TMEM163: variants seen among roughly 807,000 people sequenced by gnomAD.
TMEM163 encodes the protein transmembrane protein 163.
TMEM163 carries 17 observed loss-of-function variants against 29.3 expected under a neutral mutation model. That is an observed-to-expected ratio of 0.58 (90% CI 0.40 to 0.87). TMEM163 has a LOEUF of 0.87. Ranked by LOEUF, TMEM163 falls within the 40% of genes least tolerant of loss-of-function variation. The pLI is 0.00. For synonymous variants in TMEM163, 157 were observed against 160.6 expected, an observed-to-expected ratio of 0.98 and a Z score of 0.17; for missense variants, 303 against 381.5, an observed-to-expected ratio of 0.79 and a Z score of 1.71.
chr2:134,484,005 G>A (rs191242687), intron 5 of TMEM163, among the ~76,000 whole-genome samples: 1 of 152,256 alleles, frequency 6.6e-6, no homozygotes, highest in East Asian at 1.9e-4. Flanking sequence ...AGCTGGGTGT[G>A]GTGGCGTGCC....
At chr2:134,613,950 A>G (rs1325971501) in intron 2 of TMEM163, among the ~76,000 whole-genome samples, 2 of 152,170 alleles carry the variant, frequency 1.3e-5, no homozygotes, top group Non-Finnish European at 2.9e-5. Flanking sequence ...AATCCCAGTA[A>G]GGTTTTTTTT....
chr2:134,683,478 A>G (rs1684291057), intron 2 of TMEM163, among the ~76,000 whole-genome samples: 1 of 152,214 alleles, frequency 6.6e-6, no homozygotes, highest in Non-Finnish European at 1.5e-5. Flanking sequence ...CTCATTTGTG[A>G]AGCCATAAAC....
At chr2:134,686,745 T>C (rs1485192063) in intron 2 of TMEM163, among the ~76,000 whole-genome samples, 3 of 152,258 alleles carry the variant, frequency 2.0e-5, no homozygotes, top group Non-Finnish European at 4.4e-5. Flanking sequence ...GATTTTACCC[T>C]ACTTGCAAGG....
intron 2 of TMEM163, among the ~76,000 whole-genome samples, chr2:134,689,176 T>A (rs1297618216): frequency 2.6e-5 from 4 of 151,096 alleles, no homozygotes; most frequent in African/African-American, 9.8e-5. Context: ...TGGCATGATC[T>A]TGGCTCACGG....
At chr2:134,556,299 C>A (rs776426115) in intron 2 of TMEM163, among the ~76,000 whole-genome samples, 11 of 152,190 alleles carry the variant, frequency 7.2e-5, no homozygotes, top group Non-Finnish European at 1.5e-4. Context: ...CACTTCCAGC[C>A]ACATGAGTCT....
At chr2:134,575,987 G>A (rs16830827) in intron 2 of TMEM163, among the ~76,000 whole-genome samples, 4,043 of 152,182 alleles carry the variant, frequency 0.027, 158 homozygotes, top group Middle Eastern at 0.16. Context: ...GCAAAGATGG[G>A]AGAGCCAGTG....
chr2:134,702,595 T>C (rs1249124557), intron 2 of TMEM163, among the ~76,000 whole-genome samples: 1 of 151,976 alleles, frequency 6.6e-6, no homozygotes, highest in Non-Finnish European at 1.5e-5. Flanking sequence ...CAGTGAGCTG[T>C]GATTGTGCCA....
intron 2 of TMEM163, among the ~76,000 whole-genome samples, chr2:134,665,324 G>A (rs563712423): frequency 1.2e-3 from 181 of 152,270 alleles, no homozygotes; most frequent in African/African-American, 4.1e-3. Flanking sequence ...CTTACATAGT[G>A]GCAGGCAAGA....
At chr2:134,683,854 C>CA (rs56764162) in intron 2 of TMEM163, among the ~76,000 whole-genome samples, 12,584 of 152,142 alleles carry the variant, frequency 0.083, 1,714 homozygotes, top group African/African-American at 0.29. Flanking sequence ...ACACCAAGGT[C>CA]ATCATTGGGG....
At chr2:134,593,195 G>C (rs1173539422) in intron 2 of TMEM163, among the ~76,000 whole-genome samples, 1 of 152,202 alleles carries the variant, frequency 6.6e-6, no homozygotes. Flanking sequence ...CTGGAAAGGA[G>C]AGGGCAGGAT....
intron 4 of TMEM163, among the ~76,000 whole-genome samples, chr2:134,518,445 A>T (rs1451590470): frequency 6.6e-6 from 1 of 152,204 alleles, no homozygotes; most frequent in Non-Finnish European, 1.5e-5. Context: ...TTCCACACCC[A>T]TTATCATCCT....
intron 2 of TMEM163, among the ~76,000 whole-genome samples, chr2:134,592,316 T>C (rs1310013206): frequency 6.6e-6 from 1 of 152,190 alleles, no homozygotes; most frequent in Non-Finnish European, 1.5e-5. Context: ...CCTAGATCCA[T>C]GAAAAGCCTG....
intron 2 of TMEM163, among the ~76,000 whole-genome samples, chr2:134,579,947 G>A (rs1478300761): frequency 6.6e-6 from 1 of 152,104 alleles, no homozygotes; most frequent in Non-Finnish European, 1.5e-5. Context: ...CAGACTGAGA[G>A]ACCTAGTCTT....
intron 2 of TMEM163, among the ~76,000 whole-genome samples, chr2:134,667,253 G>A (rs1411429113): frequency 6.6e-6 from 1 of 152,160 alleles, no homozygotes; most frequent in Admixed American, 6.5e-5. Flanking sequence ...CGTTTAGCTG[G>A]GCACCTGGTA....
chr2:134,647,430 C>T lies in TMEM163; in HGVS notation c.322+65770G>A, dbSNP rs536798618. ...GGCCTTGGAATGTGCTACCAACCTC[C>T]GAAATCACTGACAGAGGATCTTCTT... On this transcript the variant is annotated intron_variant, in intron 2 of 7. Coordinates refer to ENST00000281924, the MANE Select transcript of TMEM163 (RefSeq NM_030923.5). 8.5e-5 allele frequency among the ~76,000 whole-genome samples: 13 copies of T among 152,272 alleles called. No individual in the cohort carries two copies. In the South Asian group the frequency reaches 1.5e-3, roughly 17 times the overall value.
intron 2 of TMEM163, among the ~76,000 whole-genome samples, chr2:134,697,813 T>C (rs1684614338): frequency 6.6e-6 from 1 of 152,170 alleles, no homozygotes. Context: ...ATAAACACAA[T>C]GAGATTTAGT....
intron 2 of TMEM163, among the ~76,000 whole-genome samples, chr2:134,575,177 G>A (rs564611852): frequency 2.6e-5 from 4 of 152,234 alleles, no homozygotes; most frequent in Admixed American, 6.5e-5. Context: ...GGGAAGAATC[G>A]AGAGGAAGTA....
intron 2 of TMEM163, among the ~76,000 whole-genome samples, chr2:134,695,243 A>C (rs1042262720): frequency 6.6e-6 from 1 of 151,982 alleles, no homozygotes; most frequent in Non-Finnish European, 1.5e-5. Flanking sequence ...CACCTGGCTA[A>C]TTTTTTGTAT....
chr2:134,701,916 C>CAAAAAAAAA, intron 2 of TMEM163, among the ~76,000 whole-genome samples: 1 of 66,558 alleles, frequency 1.5e-5, no homozygotes. Flanking sequence ...AAAACTGTCT[C>CAAAAAAAAA]AAAAAAAAAA....
Sources: allele counts gnomAD v4.1 joint callset (sites outside exome capture counted in the v4.1 genomes callset), GRCh38; gene constraint gnomAD v4.1.1; transcripts MANE v1.5; gene names NCBI Gene and HGNC (gene_info 2026-07-23, HGNC 2026-07-21).